MND1: variants seen among roughly 807,000 people sequenced by gnomAD.
The protein encoded by MND1 is meiotic nuclear division protein 1 homolog.
A neutral mutation model predicts 35.1 loss-of-function variants in MND1; 28 were observed. That is an observed-to-expected ratio of 0.80 (90% confidence interval 0.59 to 1.09). The LOEUF is 1.09. MND1 is among the 50% of genes least tolerant of loss of function. The pLI is 0.00. For synonymous variants in MND1, 69 were observed against 70.5 expected, an observed-to-expected ratio of 0.98 and a Z score of 0.11; for missense variants, 213 against 239.6, an observed-to-expected ratio of 0.89 and a Z score of 0.73.
intron 2 of MND1, among the ~76,000 whole-genome samples, chr4:153,353,816 T>G (rs1195860446): frequency 6.6e-6 from 1 of 152,014 alleles, no homozygotes; most frequent in Non-Finnish European, 1.5e-5. Flanking sequence ...ACCTCCCAGG[T>G]TCAAGCGATT....
At chr4:153,393,234 A>G (rs989379287) in intron 4 of MND1, among the ~76,000 whole-genome samples, 9 of 152,224 alleles carry the variant, frequency 5.9e-5, no homozygotes, top group Non-Finnish European at 1.2e-4. Flanking sequence ...AAGTACTTTA[A>G]TAAGTGACAA....
chr4:153,352,300 C>CGTGT (rs3048067), intron 2 of MND1, among the ~76,000 whole-genome samples: 2 of 151,424 alleles, frequency 1.3e-5, no homozygotes, highest in African/African-American at 4.8e-5. Context: ...TATATATGTG[C>CGTGT]GTGTGTGTGT....
intron 2 of MND1, among the ~76,000 whole-genome samples, chr4:153,353,408 T>TATAC (rs1389257990): frequency 6.6e-5 from 2 of 30,236 alleles, no homozygotes; most frequent in African/African-American, 4.1e-4. Flanking sequence ...TTATCACATA[T>TATAC]ATATATATAT....
chr4:153,415,045 TC>T lies in MND1; in HGVS notation c.*194del. On this transcript the variant is annotated 3_prime_UTR_variant, in exon 8 of 8. Coordinates refer to ENST00000240488, the MANE Select transcript of MND1 (RefSeq NM_032117.4). ...GAACAAAAGCAGGATGATAACCATA[TC>T]CCCCCAGTGCTCATCAAAGTAGGAC... 1 of 367,700 alleles carries T rather than the reference TC, an allele frequency of 2.7e-6. No individual in the cohort carries two copies. Among genetic ancestry groups the T allele is most frequent in the Admixed American group, 4.6e-5 (1 of 21,762 alleles). The allele number at this position is 367,700 out of a possible 1,614,324, so 22.8% of individuals were successfully genotyped here.
chr4:153,358,588 C>G lies in MND1; in HGVS notation c.242C>G (p.Ala81Gly). The G allele has an allele frequency of 6.2e-7, 1 of 1,613,100 alleles. No individual in the cohort carries two copies. Residue 81 changes from alanine (A) to glycine (G), a missense_variant, in exon 4 of 8, where the codon GCA becomes GGA. Ala to Gly is a moderately conservative substitution (Grantham distance 60). Transcript: ENST00000240488. ...GCTTTTCCAAGTAAAGCTCTTCATGCAAGGAAACATAAGTTGGAGGTTCTG... is the reference window on the plus strand; with the variant it reads ...GCTTTTCCAAGTAAAGCTCTTCATGGAAGGAAACATAAGTTGGAGGTTCTG... ...YWAFPSKALH[A>G]RKHKLEVLES...
intron 4 of MND1, among the ~76,000 whole-genome samples, chr4:153,363,500 T>C (rs894270346): frequency 9.2e-5 from 14 of 152,128 alleles, no homozygotes; most frequent in African/African-American, 3.4e-4. Flanking sequence ...GCATGAGCCA[T>C]TGCACCCGGC....
At chr4:153,363,214 CTTT>C (rs56951052) in intron 4 of MND1, among the ~76,000 whole-genome samples, 2 of 141,004 alleles carry the variant, frequency 1.4e-5, no homozygotes, top group Admixed American at 7.0e-5. Context: ...GGGGATAGTT[CTTT>C]TTTTTTTTTT....
At chr4:153,344,995 C>A (rs1020262915) in intron 1 of MND1, among the ~76,000 whole-genome samples, 5 of 152,224 alleles carry the variant, frequency 3.3e-5, no homozygotes, top group African/African-American at 1.2e-4. Context: ...CCGCCGGCTG[C>A]ACCCCGCGTC....
intron 4 of MND1, among the ~76,000 whole-genome samples, chr4:153,383,760 C>T (rs1017944141): frequency 1.3e-5 from 2 of 152,202 alleles, no homozygotes; most frequent in African/African-American, 4.8e-5. Flanking sequence ...AACATCTGAT[C>T]CCATTTCATT....
At chr4:153,403,825 G>C (rs1729409877) in intron 6 of MND1, among the ~76,000 whole-genome samples, 1 of 151,952 alleles carries the variant, frequency 6.6e-6, no homozygotes, top group African/African-American at 2.4e-5. Flanking sequence ...GAGTGCAGTG[G>C]CATGATCATG....
In MND1 at chr4:153,387,609, A is replaced by T. The variant is rs541640005; in HGVS notation, c.277-6653A>T. 8.5e-4 allele frequency among the ~76,000 whole-genome samples: 129 copies of T among 152,178 alleles called. 1 individual carries two copies. In the South Asian group the frequency reaches 0.026, roughly 30 times the overall value. On this transcript the variant is annotated intron_variant, in intron 4 of 7. Coordinates refer to ENST00000240488, the MANE Select transcript of MND1 (RefSeq NM_032117.4). The stretch of plus-strand genomic sequence containing the variant: ...CCCCATCTCTGCAAAAAAATGAAAA[A>T]TAAAAAAATTAGCTGGCATGGTGGT...
At chr4:153,365,101 C>CAAAAAAA (rs5863041) in intron 4 of MND1, among the ~76,000 whole-genome samples, 1 of 138,232 alleles carries the variant, frequency 7.2e-6, no homozygotes. Context: ...TTGTTGCCAC[C>CAAAAAAA]AAAAAAAAAA....
intron 6 of MND1, 23 bp from the exon 7 acceptor site, chr4:153,408,932 ATAAATACATTTCATTT>A: frequency 1.4e-6 from 1 of 711,606 alleles, no homozygotes; most frequent in Non-Finnish European, 1.9e-6. Flanking sequence ...ATATATATAT[ATAAATACATTTCATTT>A]TATATATATA....
At chr4:153,373,133 T>C (rs1037797197) in intron 4 of MND1, among the ~76,000 whole-genome samples, 2 of 152,164 alleles carry the variant, frequency 1.3e-5, no homozygotes, top group Admixed American at 1.3e-4. Context: ...TTTTTTTGTA[T>C]AATCTGACAA....
intron 4 of MND1, among the ~76,000 whole-genome samples, chr4:153,376,861 T>TTG (rs1253484238): frequency 1.3e-5 from 2 of 152,168 alleles, no homozygotes; most frequent in Non-Finnish European, 2.9e-5. Context: ...CTTGTATCAG[T>TTG]ACCTAGCACC....
chr4:153,384,495 C>T (rs572227120), intron 4 of MND1, among the ~76,000 whole-genome samples: 1 of 125,052 alleles, frequency 8.0e-6, no homozygotes, highest in Non-Finnish European at 1.6e-5. Flanking sequence ...GTCTTGCTCT[C>T]CTGGCCAGGC....
At chr4:153,384,271 T>G (rs1728787401) in intron 4 of MND1, among the ~76,000 whole-genome samples, 1 of 139,576 alleles carries the variant, frequency 7.2e-6, no homozygotes, top group Non-Finnish European at 1.6e-5. Context: ...TTTTTTTTTT[T>G]TTTTTTTTTT....
chr4:153,388,323 C>T (rs930354462), intron 4 of MND1, among the ~76,000 whole-genome samples: 3 of 152,006 alleles, frequency 2.0e-5, no homozygotes, highest in Non-Finnish European at 2.9e-5. Context: ...GACCTTGTCT[C>T]TACAATAAAA....
Position 153,356,802 on chromosome 4 carries a change from A to G in MND1, c.127+1091A>G, listed in dbSNP as rs187361891. On this transcript the variant is annotated intron_variant, in intron 3 of 7. Coordinates refer to ENST00000240488, the MANE Select transcript of MND1 (RefSeq NM_032117.4). The stretch of plus-strand genomic sequence containing the variant: ...CATATTTTATTTTATTTATTTATTT[A>G]TTTGTTTATTTATTTATTTGAGACA... Among the ~76,000 whole-genome samples the G allele has an allele frequency of 8.3e-3, 1,258 of 150,790 alleles. 10 individuals carry two copies. The highest frequency in any genetic ancestry group is 0.017 in the Middle Eastern group (5 of 294).
Sources: allele counts gnomAD v4.1 joint callset (sites outside exome capture counted in the v4.1 genomes callset), GRCh38; gene constraint gnomAD v4.1.1; transcripts MANE v1.5; gene names NCBI Gene and HGNC (gene_info 2026-07-23, HGNC 2026-07-21).